The following PNPLA7 variants were observed in gnomAD, a reference collection of about 807,000 sequenced individuals.
The protein encoded by PNPLA7 is patatin like domain 7, lysophospholipase.
In PNPLA7, 153 loss-of-function variants were observed where a neutral mutation model predicts 161.7. The observed-to-expected ratio is 0.95, with a 90% CI of 0.83 to 1.08. The LOEUF is 1.08. PNPLA7 is among the 50% of genes least tolerant of loss of function. PNPLA7 has a pLI of 0.00. For missense variants in PNPLA7, 1,739 were observed against 1,856.6 expected (o/e 0.94, Z 1.16); for synonymous variants, 809 against 782.1 (o/e 1.03, Z -0.57).
intron 12 of PNPLA7, among the ~76,000 whole-genome samples, chr9:137,513,986 G>A (rs1293626829): frequency 1.3e-5 from 2 of 152,260 alleles, no homozygotes; most frequent in Admixed American, 1.3e-4. Context: ...GCAGGAGCAC[G>A]GCTGCACTGC....
At position 137,546,844 on chromosome 9, in the gene PNPLA7, TC is replaced by T; in HGVS notation, c.258del (p.Lys87ArgfsTer3). ...GCAACAGCTACCTTCCTCATGATCT[TC>T]CGGCCGTAAAACATCACTTTGTCTC... ...RKRDKVMFYG[R>X]KIMRKVTTLP... On this transcript the variant is annotated frameshift_variant, in exon 4 of 35. Transcript: ENST00000406427. LOFTEE classifies it high-confidence loss of function. 1 of 1,613,854 alleles carries T rather than the reference TC, an allele frequency of 6.2e-7. No individual in the cohort carries two copies. Among genetic ancestry groups the T allele is most frequent in the Non-Finnish European group, 8.5e-7 (1 of 1,179,970 alleles).
At chr9:137,496,103 ACT>A (rs1339400459) in intron 18 of PNPLA7, among the ~76,000 whole-genome samples, 3 of 139,818 alleles carry the variant, frequency 2.1e-5, no homozygotes, top group South Asian at 2.3e-4. Flanking sequence ...CTCCCCACAC[ACT>A]GTTTTTTTTT....
rs1832982640 is a variant in PNPLA7, at chr9:137,495,129, G to A, written c.2031C>T (p.His677=). The A allele has an allele frequency of 6.2e-7, 1 of 1,603,284 alleles. No individual in the cohort carries two copies. The highest frequency in any genetic ancestry group is 1.3e-5 in the African/African-American group (1 of 75,016). ...CATGCACCGTGGTCGCCCGGGCCTG[G>A]TGGGTCAGTGTCTCCACCTGAGGAC... ...DLVGVVETLT[H]QARATTVHAV... is the part of the protein sequence containing the mutation. The change falls in exon 19 of 35, where the codon CAC becomes CAT. Residue 677 remains histidine (H), a synonymous_variant. Coordinates refer to ENST00000406427, the MANE Select transcript of PNPLA7 (RefSeq NM_001098537.3).
rs368070066 is a variant in PNPLA7 at position 137,480,379 on chromosome 9, C to T, written c.2513G>A (p.Arg838His). ...ADGTLTPWTQ[R>H]CVRQADCILI... ...GATGCAGTCGGCCTGGCGCACGCAG[C>T]GCTGGGTCCAGGGTGTGAGCGTGCC... The change falls in exon 23 of 35, where the codon CGC becomes CAC. Residue 838 changes from arginine (R) to histidine (H), a missense_variant. By Grantham distance (29) the Arg-to-His change is conservative (BLOSUM62 0). Coordinates refer to ENST00000406427, the MANE Select transcript of PNPLA7 (RefSeq NM_001098537.3). The T allele has an allele frequency of 2.7e-5, 43 of 1,613,608 alleles. No individual in the cohort carries two copies. The highest frequency in any genetic ancestry group is 1.1e-4 in the East Asian group (5 of 44,882).
In PNPLA7 at chr9:137,467,752, G is replaced by A. The variant is rs1273371441; in HGVS notation, c.2883-279C>T. Reference sequence around the variant, plus strand: ...ATCTCTACTAAAAATACTAAAATTAGCCAGGCGTGGTGGTGCGCGCCTGTA... The same window carrying A: ...ATCTCTACTAAAAATACTAAAATTAACCAGGCGTGGTGGTGCGCGCCTGTA... On this transcript the variant is annotated intron_variant, in intron 25 of 34. Coordinates refer to ENST00000406427, the MANE Select transcript of PNPLA7 (RefSeq NM_001098537.3). The surrounding 1 kb of genome is among the most constrained non-coding windows in gnomAD (Gnocchi z 5.1). 6.6e-6 allele frequency among the ~76,000 whole-genome samples: 1 copy of A among 152,090 alleles called. No individual in the cohort carries two copies. The highest frequency in any genetic ancestry group is 1.5e-5 in the Non-Finnish European group (1 of 68,008).
intron 18 of PNPLA7, among the ~76,000 whole-genome samples, chr9:137,496,138 T>G (rs568599606): frequency 8.3e-6 from 1 of 119,880 alleles, no homozygotes; most frequent in Non-Finnish European, 1.7e-5. Context: ...TTAGTTTTTT[T>G]TTGTTTTTTT....
chr9:137,510,737 G>A (rs1834179308), intron 12 of PNPLA7, among the ~76,000 whole-genome samples: 1 of 152,184 alleles, frequency 6.6e-6, no homozygotes, highest in Non-Finnish European at 1.5e-5. Flanking sequence ...CACACAGGGA[G>A]AGACCCACTG....
At chr9:137,474,004 C>T (rs1328367978) in intron 25 of PNPLA7, among the ~76,000 whole-genome samples, 6 of 152,212 alleles carry the variant, frequency 3.9e-5, no homozygotes, top group African/African-American at 7.2e-5. Context: ...TTTGTGAGGC[C>T]GAGGTGGGTG....
intron 25 of PNPLA7, among the ~76,000 whole-genome samples, chr9:137,471,771 G>A (rs1831718850): frequency 6.6e-6 from 1 of 151,890 alleles, no homozygotes; most frequent in African/African-American, 2.4e-5. Context: ...ATTGTGGGCT[G>A]GAAGGCTCAA....
rs999035515 is a variant in PNPLA7, at chr9:137,516,407, G to A, written c.1085-888C>T. The A allele has an allele frequency of 1.3e-5, 13 of 985,056 alleles. No individual in the cohort carries two copies. In the South Asian group the frequency reaches 2.4e-4, roughly 18 times the overall value. 61.0% of individuals were successfully genotyped at this position (985,056 alleles called of 1,614,324 possible). ...CCTACAGAGGCCCATGAGCACCCCC[G>A]GCCCTGGTCTCTGCCAAGACCTCAT... On this transcript the variant is annotated intron_variant, in intron 11 of 34. Transcript: ENST00000406427.
intron 19 of PNPLA7, 37 bp downstream of exon 19, chr9:137,494,996 C>G: frequency 1.3e-6 from 2 of 1,560,266 alleles, no homozygotes; most frequent in Middle Eastern, 1.7e-4. Context: ...ACTCCACACC[C>G]TCATCCGCTC....
intron 14 of PNPLA7, among the ~76,000 whole-genome samples, chr9:137,503,414 GA>G (rs1220019875): frequency 1.4e-5 from 2 of 144,510 alleles, no homozygotes; most frequent in Non-Finnish European, 3.0e-5. Context: ...GGGAGAAGGA[GA>G]AGAAAGAAAG....
chr9:137,505,310 A>G (rs1358185691), intron 14 of PNPLA7, among the ~76,000 whole-genome samples: 5 of 152,144 alleles, frequency 3.3e-5, no homozygotes, highest in Non-Finnish European at 1.5e-5. Context: ...GGAAAATGTC[A>G]TACTACAATA....
At chr9:137,463,167 C>T (rs1831300328) in intron 29 of PNPLA7, 1 of 590,390 alleles carries the variant, frequency 1.7e-6, no homozygotes, top group Admixed American at 3.0e-5. Flanking sequence ...CTTTGTTCTG[C>T]ATGCTGCTGA....
In PNPLA7 at chr9:137,549,087, C is replaced by T. The variant is rs200725694; in HGVS notation, c.30+1081G>A. Among the ~76,000 whole-genome samples, 9 of 152,374 alleles carry T rather than the reference C, an allele frequency of 5.9e-5. No homozygotes were observed. The East Asian group carries it at 1.2e-3, about 20-fold the overall frequency. ...GGTCACAGGCTCTCCTGCGGTGGAG[C>T]GGCTCAGCCTTTTCTAGCTTTTCAC... On this transcript the variant is annotated intron_variant, in intron 1 of 34. Transcript: ENST00000406427.
chr9:137,527,097 T>C (rs911694365), intron 8 of PNPLA7, among the ~76,000 whole-genome samples: 1 of 151,902 alleles, frequency 6.6e-6, no homozygotes, highest in Non-Finnish European at 1.5e-5. Context: ...TGAAACCCCG[T>C]CTCTACTAAA....
Position 137,547,494 on chromosome 9 carries a change from G to T in PNPLA7, c.105+91C>A. On this transcript the variant is annotated intron_variant, in intron 2 of 34. Coordinates refer to ENST00000406427, the MANE Select transcript of PNPLA7 (RefSeq NM_001098537.3). The surrounding 1 kb of genome is among the most constrained non-coding windows in gnomAD (Gnocchi z 4.6). ...CCCCTGGCTGCCCAACCACAGGCTGGGCAGGAATGAGCCAGGGGATGGGGA... is the reference window on the plus strand; with the variant it reads ...CCCCTGGCTGCCCAACCACAGGCTGTGCAGGAATGAGCCAGGGGATGGGGA... The T allele has an allele frequency of 6.3e-7, 1 of 1,594,524 alleles. No individual in the cohort carries two copies. Among genetic ancestry groups the T allele is most frequent in the South Asian group, 1.1e-5 (1 of 90,680 alleles).
intron 20 of PNPLA7, among the ~76,000 whole-genome samples, chr9:137,492,689 T>G (rs1346733298): frequency 2.5e-4 from 6 of 23,780 alleles, no homozygotes; most frequent in Admixed American, 6.2e-4. Context: ...GGCTCCAGGA[T>G]GGGGTGGGGC....
intron 33 of PNPLA7, chr9:137,461,011 G>A: frequency 2.2e-6 from 1 of 454,502 alleles, no homozygotes; most frequent in South Asian, 2.3e-5. Context: ...AGCACCCTGA[G>A]GGCTCCAGCA....
Sources: allele counts gnomAD v4.1 joint callset (sites outside exome capture counted in the v4.1 genomes callset), GRCh38; gene constraint gnomAD v4.1.1; non-coding constraint Gnocchi (gnomAD v3.1); transcripts MANE v1.5; gene names NCBI Gene and HGNC (gene_info 2026-07-23, HGNC 2026-07-21).